The following WDPCP variants were observed in gnomAD, a reference collection of about 807,000 sequenced individuals.
WDPCP encodes the protein WD repeat containing planar cell polarity effector.
WDPCP carries 71 observed loss-of-function variants against 93.1 expected under a neutral mutation model. The ratio of observed to expected loss-of-function variants is 0.76; its 90% confidence interval spans 0.63 to 0.93. The LOEUF (loss-of-function observed/expected upper bound fraction) is 0.93. WDPCP is among the 40% of genes least tolerant of loss of function. The probability of loss-of-function intolerance (pLI) is 0.00; values close to 1 mark genes in which losing one functional copy is unlikely to be tolerated. For missense variants in WDPCP, 844 were observed against 887.4 expected (o/e 0.95, Z 0.62); for synonymous variants, 315 against 315.0 (o/e 1.00, Z 0.00).
intron 1 of WDPCP, among the ~76,000 whole-genome samples, chr2:63,509,066 C>T (rs889963697): frequency 6.6e-6 from 1 of 152,138 alleles, no homozygotes; most frequent in African/African-American, 2.4e-5. Flanking sequence ...TTGAACTCAC[C>T]TCTGGACCAA....
At chr2:63,236,591 C>G (rs1679414690) in intron 14 of WDPCP, among the ~76,000 whole-genome samples, 2 of 152,126 alleles carry the variant, frequency 1.3e-5, no homozygotes, top group Admixed American at 6.6e-5. Context: ...TACAAGACTG[C>G]AGTAACCGAA....
At chr2:63,718,834 G>A (rs1262358115) in intron 2 of WDPCP, among the ~76,000 whole-genome samples, 1 of 152,044 alleles carries the variant, frequency 6.6e-6, no homozygotes, top group Non-Finnish European at 1.5e-5. Context: ...AACTATGCTA[G>A]GTAAATACAA....
At chr2:63,545,685 A>C (rs983723853) in intron 1 of WDPCP, among the ~76,000 whole-genome samples, 1 of 151,990 alleles carries the variant, frequency 6.6e-6, no homozygotes. Context: ...CATGATGTCA[A>C]GTAGAACTCA....
At chr2:63,832,115 T>C (rs561643359), upstream of WDPCP, among the ~76,000 whole-genome samples, 33 of 152,362 alleles carry the variant, frequency 2.2e-4, no homozygotes, top group African/African-American at 7.0e-4. Context: ...AGTTCACTCA[T>C]GTGGCCAGTT....
chr2:63,169,231 C>T (rs1028775636), intron 15 of WDPCP, among the ~76,000 whole-genome samples: 1 of 152,202 alleles, frequency 6.6e-6, no homozygotes, highest in Non-Finnish European at 1.5e-5. Context: ...AACTCTTCCT[C>T]TAGTATTCCT....
At chr2:63,808,675 G>A (rs34363047) in intron 2 of WDPCP, among the ~76,000 whole-genome samples, 2,489 of 152,296 alleles carry the variant, frequency 0.016, 28 homozygotes, top group Non-Finnish European at 0.024. Flanking sequence ...GTGCAGTGGC[G>A]TGATCTCGGC....
At chr2:63,588,048 T>G in intron 1 of WDPCP, 149 bp downstream of exon 1, 1 of 955,486 alleles carries the variant, frequency 1.0e-6, no homozygotes, top group Non-Finnish European at 1.6e-6. Context: ...ATAGCTGCAT[T>G]CCCACAGCCC....
chr2:63,760,409 A>G (rs1169648246), intron 2 of WDPCP, among the ~76,000 whole-genome samples: 2 of 151,984 alleles, frequency 1.3e-5, no homozygotes, highest in African/African-American at 4.8e-5. Context: ...TTTTTCTCCA[A>G]TTCTTCCTTT....
At chr2:63,370,644 GTTTAC>G (rs1475194986) in intron 12 of WDPCP, among the ~76,000 whole-genome samples, 5 of 152,060 alleles carry the variant, frequency 3.3e-5, no homozygotes, top group Non-Finnish European at 7.4e-5. Flanking sequence ...TGGGACTGTA[GTTTAC>G]TTTATAGGAG....
chr2:63,251,871 G>A (rs1680756665), intron 14 of WDPCP, among the ~76,000 whole-genome samples: 1 of 151,802 alleles, frequency 6.6e-6, no homozygotes, highest in South Asian at 2.1e-4. Flanking sequence ...AGAAGAACTT[G>A]TACCAATCCT....
intron 3 of WDPCP, among the ~76,000 whole-genome samples, chr2:63,630,761 C>T (rs1709856568): frequency 6.6e-6 from 1 of 152,166 alleles, no homozygotes; most frequent in Admixed American, 6.5e-5. Context: ...CAACATCAAC[C>T]AACAGAATTC....
chr2:63,271,800 C>A (rs551955359), intron 13 of WDPCP, among the ~76,000 whole-genome samples: 3 of 152,248 alleles, frequency 2.0e-5, no homozygotes, highest in African/African-American at 7.2e-5. Context: ...TCAGGCCCAC[C>A]CCGCCTGCTG....
At chr2:63,292,009 T>C (rs1684468159) in intron 13 of WDPCP, among the ~76,000 whole-genome samples, 1 of 150,004 alleles carries the variant, frequency 6.7e-6, no homozygotes, top group African/African-American at 2.4e-5. Context: ...GGCGGGCGCC[T>C]GTAGTCCCAG....
chr2:63,247,523 G>T (rs1183147521), intron 14 of WDPCP, among the ~76,000 whole-genome samples: 2 of 152,000 alleles, frequency 1.3e-5, no homozygotes, highest in Non-Finnish European at 2.9e-5. Flanking sequence ...ACATTCCATT[G>T]GTTCAATGTA....
At position 63,446,515 on chromosome 2, in the gene WDPCP, G is replaced by A. The variant is rs933980308; in HGVS notation, c.385-6644C>T. 2.0e-5 allele frequency among the ~76,000 whole-genome samples: 3 copies of A among 152,290 alleles called. No individual in the cohort carries two copies. In the East Asian group the frequency reaches 5.8e-4, roughly 29 times the overall value. ...CTGTGGAAGCAAAGATGTTTTCCAT[G>A]TCTTCATTAGGCAGATTTGGAAACT... On this transcript the variant is annotated intron_variant, in intron 6 of 17. Transcript: ENST00000272321.
intron 2 of WDPCP, among the ~76,000 whole-genome samples, chr2:63,785,412 T>C (rs1670453025): frequency 6.6e-6 from 1 of 152,208 alleles, no homozygotes; most frequent in Non-Finnish European, 1.5e-5. Flanking sequence ...TGTCATTTTT[T>C]TTTAGTCACT....
chr2:63,720,050 C>G (rs143699216), intron 2 of WDPCP, among the ~76,000 whole-genome samples: 1 of 152,130 alleles, frequency 6.6e-6, no homozygotes, highest in East Asian at 1.9e-4. Flanking sequence ...TATTCTGAAT[C>G]TTTTATAATA....
chr2:63,564,522 A>G (rs1706876070), intron 1 of WDPCP: 1 of 152,108 alleles, frequency 6.6e-6, no homozygotes, highest in Non-Finnish European at 1.5e-5. Context: ...CCTCCTTCTT[A>G]CGACAGGAAG....
rs116064715 is a variant in WDPCP, at chr2:63,555,157, C to T, written c.75+33040G>A. On this transcript the variant is annotated intron_variant, in intron 1 of 17. Coordinates refer to ENST00000272321, the MANE Select transcript of WDPCP (RefSeq NM_015910.7). ...TCTGCTATTTTTCCCCTGCCAGTGCCAAGGAGACTGGGCAGTTTGGACACG... is the reference window on the plus strand; with the variant it reads ...TCTGCTATTTTTCCCCTGCCAGTGCTAAGGAGACTGGGCAGTTTGGACACG... 5.5e-3 allele frequency among the ~76,000 whole-genome samples: 838 copies of T among 152,344 alleles called. 1 individual carries two copies. Among genetic ancestry groups the T allele is most frequent in the Middle Eastern group, 0.044 (13 of 294 alleles).
Sources: gnomAD v4.1 joint callset for allele counts (sites outside exome capture counted in the v4.1 genomes callset) on GRCh38, gnomAD v4.1.1 for gene constraint, MANE v1.5 for transcripts, NCBI Gene and HGNC (gene_info 2026-07-23, HGNC 2026-07-21) for gene names.